Variants in GABRA3 observed in about 807,000 individuals in gnomAD.
GABRA3 encodes the protein gamma-aminobutyric acid type A receptor subunit alpha3.
In GABRA3, 10 loss-of-function variants were observed where a neutral mutation model predicts 30.1. The ratio of observed to expected loss-of-function variants is 0.33; its 90% CI spans 0.20 to 0.56. GABRA3 has a LOEUF of 0.56. Ranked by LOEUF, GABRA3 falls within the 20% of genes least tolerant of loss-of-function variation. The pLI, the probability that GABRA3 is intolerant of heterozygous loss-of-function variation, is 0.89. For synonymous variants in GABRA3, 151 were observed against 146.8 expected (o/e 1.03, Z -0.21); for missense variants, 233 against 392.0 (o/e 0.59, Z 3.42).
At position 152,255,720 on chromosome X, in the gene GABRA3, G is replaced by A; in HGVS notation, c.551+58C>T. On this transcript the variant is annotated intron_variant, in intron 5 of 9. Coordinates refer to ENST00000370314, the MANE Select transcript of GABRA3 (RefSeq NM_000808.4). ...TTCAATGGATACTCTAAAACATTCT[G>A]CTTTCAAGCCCAGTCCTACTCCCAA... The A allele has an allele frequency of 4.9e-6, 5 of 1,017,971 alleles. No homozygotes were observed. The South Asian group carries it at 9.6e-5, about 19-fold the overall frequency. The allele number at this position is 1,017,971 out of a possible 1,213,427, so 83.9% of individuals were successfully genotyped here.
chrX:152,315,091 T>C (rs762525786), intron 3 of GABRA3, among the ~76,000 whole-genome samples: 23 of 111,384 alleles, frequency 2.1e-4, no homozygotes, highest in Non-Finnish European at 3.6e-4. Flanking sequence ...TGCAGGAATA[T>C]ACCAGGAAAG....
intron 4 of GABRA3, among the ~76,000 whole-genome samples, chrX:152,278,912 T>G (rs1359621596): frequency 8.9e-6 from 1 of 112,338 alleles, no homozygotes; most frequent in Non-Finnish European, 1.9e-5. Flanking sequence ...TGTCTTCTTT[T>G]GAGAAGTGTC....
intron 3 of GABRA3, among the ~76,000 whole-genome samples, chrX:152,302,376 A>C (rs1003757686): frequency 1.2e-4 from 13 of 111,688 alleles, no homozygotes; most frequent in African/African-American, 4.2e-4. Flanking sequence ...CTAATTCAAA[A>C]GATAGATTTG....
At chrX:152,373,869 C>T (rs926837783) in intron 1 of GABRA3, among the ~76,000 whole-genome samples, 5 of 105,476 alleles carry the variant, frequency 4.7e-5, no homozygotes, top group African/African-American at 1.7e-4. Context: ...TGAGTGAGAA[C>T]ATGCGGCGTT....
intron 5 of GABRA3, among the ~76,000 whole-genome samples, chrX:152,248,869 C>A (rs929670715): frequency 1.8e-5 from 2 of 111,434 alleles, no homozygotes; most frequent in Non-Finnish European, 3.8e-5. Flanking sequence ...AATGCATTTG[C>A]GAATTAGCTA....
At chrX:152,390,728 G>A (rs1297707994) in intron 1 of GABRA3, among the ~76,000 whole-genome samples, 1 of 111,214 alleles carries the variant, frequency 9.0e-6, no homozygotes, top group Non-Finnish European at 1.9e-5. Context: ...GATAGAGAAT[G>A]AAGAAAAAAT....
intron 1 of GABRA3, among the ~76,000 whole-genome samples, chrX:152,444,687 C>G (rs1420297562): frequency 1.9e-5 from 2 of 104,896 alleles, no homozygotes; most frequent in Non-Finnish European, 3.9e-5. Context: ...ATAATTCCAT[C>G]TCCATCCACC....
At chrX:152,422,367 A>G (rs1930395382) in intron 1 of GABRA3, among the ~76,000 whole-genome samples, 1 of 111,147 alleles carries the variant, frequency 9.0e-6, no homozygotes, top group Non-Finnish European at 1.9e-5. Context: ...AACTACTATA[A>G]GAAATCAGGG....
In GABRA3 at chrX:152,423,170, G is replaced by A. The variant is rs556931730; in HGVS notation, c.-27+27976C>T. On this transcript the variant is annotated intron_variant, in intron 1 of 9. Transcript: ENST00000370314. ...CTAGAATATTTGTGTGTCATGATGTGTATGCACCAAAACACTGGTGATAGG... is the reference window on the plus strand; with the variant it reads ...CTAGAATATTTGTGTGTCATGATGTATATGCACCAAAACACTGGTGATAGG... 2.2e-4 allele frequency among the ~76,000 whole-genome samples: 25 copies of A among 112,096 alleles called. No homozygotes were observed. The South Asian group carries it at 9.3e-3, about 42-fold the overall frequency.
At chrX:152,411,862 T>A (rs1930080345) in intron 1 of GABRA3, among the ~76,000 whole-genome samples, 1 of 111,462 alleles carries the variant, frequency 9.0e-6, no homozygotes, top group African/African-American at 3.3e-5. Flanking sequence ...AAAGAACTCT[T>A]ACAACTCAGT....
intron 3 of GABRA3, among the ~76,000 whole-genome samples, chrX:152,308,792 C>A (rs1883757140): frequency 8.9e-6 from 1 of 112,226 alleles, no homozygotes; most frequent in Non-Finnish European, 1.9e-5. Context: ...TGGTTCCTAA[C>A]CAGGCTGAAA....
At chrX:152,291,105 C>A (rs931812250) in intron 3 of GABRA3, among the ~76,000 whole-genome samples, 91 of 111,557 alleles carry the variant, frequency 8.2e-4, no homozygotes, top group Non-Finnish European at 1.5e-3. Context: ...TTACCTTGGG[C>A]AGTATGGCCA....
intron 2 of GABRA3, among the ~76,000 whole-genome samples, chrX:152,359,150 A>G (rs779229037): frequency 3.6e-5 from 4 of 111,442 alleles, no homozygotes; most frequent in Non-Finnish European, 7.5e-5. Flanking sequence ...TCTTCTTTAT[A>G]TATCTGGTAG....
chrX:152,445,040 A>T (rs6627591), intron 1 of GABRA3, among the ~76,000 whole-genome samples: 1 of 60,165 alleles, frequency 1.7e-5, no homozygotes, highest in Non-Finnish European at 3.0e-5. Context: ...CAGCCTGGGC[A>T]ACAGAGTGAG....
intron 3 of GABRA3, among the ~76,000 whole-genome samples, chrX:152,333,121 T>C (rs1940187027): frequency 9.0e-6 from 1 of 111,666 alleles, no homozygotes; most frequent in Non-Finnish European, 1.9e-5. Flanking sequence ...CTGGGTGTGA[T>C]CCTGGTAGAA....
intron 1 of GABRA3, among the ~76,000 whole-genome samples, chrX:152,401,266 GTATA>G (rs747896105): frequency 0.24 from 23,524 of 97,113 alleles, 2,535 homozygotes; most frequent in Admixed American, 0.37. Flanking sequence ...TTTAATGTGT[GTATA>G]TATATATATA....
chrX:152,389,739 A>C (rs1184795652), intron 1 of GABRA3, among the ~76,000 whole-genome samples: 1 of 111,518 alleles, frequency 9.0e-6, no homozygotes, highest in African/African-American at 3.3e-5. Context: ...ATATAGAAGG[A>C]GACAACACTG....
chrX:152,345,674 G>C lies in GABRA3; in HGVS notation c.169C>G (p.Pro57Ala). 8.3e-7 allele frequency: 1 copy of C among 1,202,976 alleles called. No individual in the cohort carries two copies. The highest frequency in any genetic ancestry group is 1.1e-6 in the Non-Finnish European group (1 of 891,767). Residue 57 changes from proline (P) to alanine (A), a missense_variant, in exon 3 of 10, where the codon CCT becomes GCT. Around this residue, in one of 6 missense-constraint regions of GABRA3, gnomAD observed 69 missense variants for 79.4 expected, o/e 0.87. Transcript: ENST00000370314. ...GTGATGTTGTCAGTGCTGTCATCAG[G>C]AATATCTGGGGCATGCTTAGGAGAC... ...GLSPKHAPDI[P>A]DDSTDNITIF...
At chrX:152,225,404 GCACA>G (rs1179857954) in intron 5 of GABRA3, among the ~76,000 whole-genome samples, 5 of 74,721 alleles carry the variant, frequency 6.7e-5, no homozygotes, top group Admixed American at 1.7e-4. Flanking sequence ...CCACACACAC[GCACA>G]CACACACACG....
Sources: gnomAD v4.1 joint callset for allele counts (sites outside exome capture counted in the v4.1 genomes callset) on GRCh38, gnomAD v4.1.1 for gene constraint, gnomAD v4.1.1 regional missense constraint, MANE v1.5 for transcripts, NCBI Gene and HGNC (gene_info 2026-07-23, HGNC 2026-07-21) for gene names.